ZNF608: variants seen among roughly 807,000 people sequenced by gnomAD.
ZNF608 encodes the protein renal carcinoma antigen NY-REN-36.
ZNF608 carries 12 observed loss-of-function variants against 109.0 expected under a neutral mutation model. That is an observed-to-expected ratio of 0.11 (90% CI 0.07 to 0.18). ZNF608 has a LOEUF of 0.18. Ranked by LOEUF, ZNF608 falls within the 10% of genes least tolerant of loss-of-function variation. The probability of loss-of-function intolerance (pLI) is 1.00; values close to 1 mark genes in which losing one functional copy is unlikely to be tolerated. For missense variants in ZNF608, 1,707 were observed against 1,879.3 expected (o/e 0.91, Z 1.70); for synonymous variants, 732 against 717.4 (o/e 1.02, Z -0.33).
chr5:124,691,914 T>C (rs1561563068), intron 3 of ZNF608, among the ~76,000 whole-genome samples: 1 of 146,128 alleles, frequency 6.8e-6, no homozygotes, highest in African/African-American at 2.5e-5. Flanking sequence ...TGGTTAAGAA[T>C]AAAAAAAAAA....
intron 3 of ZNF608, among the ~76,000 whole-genome samples, chr5:124,667,026 G>T (rs191031750): frequency 2.0e-5 from 3 of 152,226 alleles, no homozygotes; most frequent in East Asian, 1.9e-4. Context: ...GATGCAGAAG[G>T]TATCCTCTGG....
At chr5:124,743,932 T>C (rs921974653) in intron 2 of ZNF608, 152 bp downstream of exon 2, 55 of 1,122,602 alleles carry the variant, frequency 4.9e-5, no homozygotes, top group South Asian at 1.2e-4. Flanking sequence ...GGCTCCCCCA[T>C]ATCAAATTTT....
chr5:124,743,999 AAGGCACACAG>A, intron 2 of ZNF608, 75 bp downstream of exon 2: 1 of 1,498,096 alleles, frequency 6.7e-7, no homozygotes, highest in Non-Finnish European at 8.9e-7. Context: ...CATAAAGTGT[AAGGCACACAG>A]AGGCACACCC....
At chr5:124,652,645 A>G (rs1370627300) in intron 3 of ZNF608, among the ~76,000 whole-genome samples, 1 of 152,242 alleles carries the variant, frequency 6.6e-6, no homozygotes, top group Non-Finnish European at 1.5e-5. Context: ...CTTTGTAAGA[A>G]GGTCTATGTT....
intron 2 of ZNF608, among the ~76,000 whole-genome samples, chr5:124,713,743 T>C (rs189744066): frequency 1.4e-4 from 21 of 152,282 alleles, no homozygotes; most frequent in Admixed American, 9.8e-4. Context: ...CTCATTTAGG[T>C]TCACTCTTGG....
chr5:124,686,936 A>G (rs997529899), intron 3 of ZNF608, among the ~76,000 whole-genome samples: 1 of 152,196 alleles, frequency 6.6e-6, no homozygotes, highest in Non-Finnish European at 1.5e-5. Flanking sequence ...CCTTGTTATG[A>G]AATATATAGT....
chr5:124,691,408 A>C lies in ZNF608; in HGVS notation c.1162+9606T>G, dbSNP rs115910871. 3.7e-3 allele frequency among the ~76,000 whole-genome samples: 562 copies of C among 152,282 alleles called. 2 individuals carry two copies. The highest frequency in any genetic ancestry group is 0.013 in the African/African-American group (532 of 41,552). On this transcript the variant is annotated intron_variant, in intron 3 of 9. Transcript: ENST00000513986. Reference sequence around the variant, plus strand: ...CTATCCACAAAGGAAATGCAATCAAAACCATGAGACACCATCTCATACCTG... The same window carrying C: ...CTATCCACAAAGGAAATGCAATCAACACCATGAGACACCATCTCATACCTG...
chr5:124,646,169 C>T (rs373224905), intron 5 of ZNF608, among the ~76,000 whole-genome samples: 96 of 152,036 alleles, frequency 6.3e-4, no homozygotes, highest in African/African-American at 2.1e-3. Context: ...GAGACCATCT[C>T]GCTAACACGG....
intron 3 of ZNF608, among the ~76,000 whole-genome samples, chr5:124,672,890 G>A (rs1365484052): frequency 6.6e-6 from 1 of 152,116 alleles, no homozygotes; most frequent in Non-Finnish European, 1.5e-5. Context: ...TCGGAAAAAA[G>A]TATGAGCCCA....
At chr5:124,741,180 C>A (rs906757842) in intron 2 of ZNF608, among the ~76,000 whole-genome samples, 1 of 151,908 alleles carries the variant, frequency 6.6e-6, no homozygotes, top group Non-Finnish European at 1.5e-5. Flanking sequence ...AAGGGAGTGG[C>A]GACTTTTACA....
At chr5:124,724,595 T>C (rs2149883924) in intron 2 of ZNF608, among the ~76,000 whole-genome samples, 1 of 151,712 alleles carries the variant, frequency 6.6e-6, no homozygotes, top group Admixed American at 6.5e-5. Flanking sequence ...ATCAGCTATA[T>C]TAATTCAACA....
intron 2 of ZNF608, among the ~76,000 whole-genome samples, chr5:124,723,428 C>A (rs1305649110): frequency 6.6e-6 from 1 of 152,162 alleles, no homozygotes; most frequent in East Asian, 1.9e-4. Flanking sequence ...TGGCTCACCC[C>A]TGTAATCCCA....
intron 2 of ZNF608, among the ~76,000 whole-genome samples, chr5:124,703,367 T>C (rs186451256): frequency 2.7e-4 from 41 of 152,272 alleles, no homozygotes; most frequent in African/African-American, 9.6e-4. Context: ...ACAGTTATGG[T>C]GGCAAGACAT....
chr5:124,715,498 A>T (rs537800388), intron 2 of ZNF608, among the ~76,000 whole-genome samples: 2 of 152,344 alleles, frequency 1.3e-5, no homozygotes, highest in African/African-American at 4.8e-5. Flanking sequence ...TAGTTGACAA[A>T]CACCTGCAAT....
At chr5:124,737,844 T>C (rs1487678770) in intron 2 of ZNF608, among the ~76,000 whole-genome samples, 2 of 152,204 alleles carry the variant, frequency 1.3e-5, no homozygotes, top group African/African-American at 4.8e-5. Flanking sequence ...TTTAACAACC[T>C]TTCATTCAGT....
At chr5:124,719,302 A>G (rs1018247089) in intron 2 of ZNF608, among the ~76,000 whole-genome samples, 3 of 152,226 alleles carry the variant, frequency 2.0e-5, no homozygotes, top group Non-Finnish European at 2.9e-5. Flanking sequence ...GAGGATTGCT[A>G]TATTTTTGTA....
intron 1 of ZNF608, among the ~76,000 whole-genome samples, chr5:124,745,822 T>C (rs1369234473): frequency 1.3e-5 from 2 of 152,176 alleles, no homozygotes; most frequent in African/African-American, 4.8e-5. Flanking sequence ...CCAAACAGCT[T>C]CTACAATTTC....
intron 5 of ZNF608, among the ~76,000 whole-genome samples, 168 bp downstream of exon 5, chr5:124,646,511 A>G (rs929909617): frequency 6.6e-6 from 1 of 152,216 alleles, no homozygotes; most frequent in African/African-American, 2.4e-5. Context: ...TACATTTTAG[A>G]GCTACATAGT....
At chr5:124,659,151 A>G (rs1751141279) in intron 3 of ZNF608, among the ~76,000 whole-genome samples, 1 of 87,028 alleles carries the variant, frequency 1.1e-5, no homozygotes, top group African/African-American at 7.1e-5. Context: ...TATTAATTAC[A>G]GGATTTTTTT....
Sources: gnomAD v4.1 joint callset for allele counts (sites outside exome capture counted in the v4.1 genomes callset) on GRCh38, gnomAD v4.1.1 for gene constraint, MANE v1.5 for transcripts, NCBI Gene and HGNC (gene_info 2026-07-23, HGNC 2026-07-21) for gene names.